The following ATG101 variants were observed in gnomAD, a reference collection of about 807,000 sequenced individuals.
ATG101 encodes the protein autophagy related 101, also known as autophagy-related protein 101.
Under a neutral mutation model 16.7 loss-of-function variants are expected in ATG101, and 6 were observed. The observed-to-expected ratio is 0.36, with a 90% CI of 0.20 to 0.71. The LOEUF (loss-of-function observed/expected upper bound fraction) is 0.71, where lower values mean the gene tolerates loss of function less well. Among genes scored for constraint, ATG101 ranks in the 30% least tolerant of loss-of-function variants. The pLI, the probability that ATG101 is intolerant of heterozygous loss-of-function variation, is 0.57. For synonymous variants in ATG101, 108 were observed against 118.1 expected, an observed-to-expected ratio of 0.91 and a Z score of 0.56; for missense variants, 200 against 292.5, an observed-to-expected ratio of 0.68 and a Z score of 2.31.
chr12:52,077,178 C>G lies in ATG101; in HGVS notation c.645C>G (p.Thr215=). ...TTTMRRLIKD[T]LAL is the part of the protein sequence containing the mutation. ...CCATGCGCAGGCTCATCAAAGACAC[C>G]CTTGCCCTCTGAGCGTCGCTGGATC... Residue 215 remains threonine (T), a synonymous_variant, in exon 4 of 4, where the codon ACC becomes ACG. Coordinates refer to ENST00000336854, the MANE Select transcript of ATG101 (RefSeq NM_021934.5). 1.9e-6 allele frequency: 3 copies of G among 1,612,314 alleles called. No homozygotes were observed. The highest frequency in any genetic ancestry group is 2.5e-6 in the Non-Finnish European group (3 of 1,178,492).
intron 2 of ATG101, among the ~76,000 whole-genome samples, chr12:52,072,755 A>T (rs868428045): frequency 2.9e-4 from 43 of 150,052 alleles, no homozygotes; most frequent in East Asian, 1.8e-3. Flanking sequence ...TTTTTTTTTT[A>T]AATTTATTTT....
rs573309824 is a variant in ATG101 at position 52,070,000 on chromosome 12, C to G, written c.-449C>G. On this transcript the variant is annotated 5_prime_UTR_variant, in exon 1 of 4. Transcript: ENST00000336854. ...CTTCCGGTCCCGGCTCAGCCTCCGACCCAGGTGGTCTGGAGCCTGCCGGGA... is the reference window on the plus strand; with the variant it reads ...CTTCCGGTCCCGGCTCAGCCTCCGAGCCAGGTGGTCTGGAGCCTGCCGGGA... The G allele has an allele frequency of 1.6e-4, 24 of 152,572 alleles. No homozygotes were observed. Among genetic ancestry groups the G allele is most frequent in the African/African-American group, 5.5e-4 (23 of 41,584 alleles). The allele number at this position is 152,572 out of a possible 1,614,324, so 9.5% of individuals were successfully genotyped here.
intron 3 of ATG101, among the ~76,000 whole-genome samples, chr12:52,076,482 G>A (rs1214513829): frequency 1.3e-5 from 2 of 152,192 alleles, no homozygotes; most frequent in African/African-American, 4.8e-5. Context: ...TGTGTGTTAA[G>A]TTCCTAGCAC....
chr12:52,075,035 T>G (rs78877616), intron 3 of ATG101, among the ~76,000 whole-genome samples: 28 of 151,932 alleles, frequency 1.8e-4, no homozygotes, highest in African/African-American at 6.0e-4. Flanking sequence ...AAGGCTGGTC[T>G]TGAATTACTG....
At chr12:52,066,104 C>T (rs1268229418), upstream of ATG101, among the ~76,000 whole-genome samples, 2 of 152,114 alleles carry the variant, frequency 1.3e-5, no homozygotes, top group East Asian at 1.9e-4. Context: ...CTCGAACTCC[C>T]GACCTCAGGT....
At chr12:52,072,399 G>A (rs1025913465) in intron 2 of ATG101, among the ~76,000 whole-genome samples, 3 of 152,196 alleles carry the variant, frequency 2.0e-5, no homozygotes, top group Non-Finnish European at 2.9e-5. Flanking sequence ...TGAGTGATTC[G>A]CTTAAGGTCA....
intron 3 of ATG101, among the ~76,000 whole-genome samples, chr12:52,075,976 G>A (rs1036454024): frequency 1.3e-5 from 2 of 152,012 alleles, no homozygotes; most frequent in Admixed American, 6.6e-5. Flanking sequence ...CCTGGATAAC[G>A]TAACAATACC....
intron 3 of ATG101, among the ~76,000 whole-genome samples, 177 bp downstream of exon 3, chr12:52,074,079 G>GCA (rs1939695662): frequency 6.9e-6 from 1 of 143,976 alleles, no homozygotes; most frequent in Non-Finnish European, 1.5e-5. Context: ...AGGGGAGGGC[G>GCA]CGCGGGCGCG....
intron 3 of ATG101, among the ~76,000 whole-genome samples, chr12:52,074,909 T>C (rs777748739): frequency 6.6e-5 from 10 of 152,146 alleles, no homozygotes; most frequent in Non-Finnish European, 1.5e-4. Context: ...CAGTGAGCCA[T>C]GATCACGCTA....
chr12:52,067,050 T>C (rs753982513), upstream of ATG101, among the ~76,000 whole-genome samples: 2 of 152,132 alleles, frequency 1.3e-5, no homozygotes, highest in Non-Finnish European at 2.9e-5. Context: ...CACCCACACC[T>C]GGGATAAGAG....
At chr12:52,075,313 G>A (rs1057189639) in intron 3 of ATG101, among the ~76,000 whole-genome samples, 3 of 152,372 alleles carry the variant, frequency 2.0e-5, no homozygotes, top group African/African-American at 7.2e-5. Flanking sequence ...GGCAGGTGGA[G>A]CAGAGTGGTG....
chr12:52,076,644 A>G (rs752725083), intron 3 of ATG101, 142 bp from the exon 4 acceptor site: 8 of 1,025,742 alleles, frequency 7.8e-6, no homozygotes, highest in Non-Finnish European at 1.1e-5. Flanking sequence ...CAAATCGTTT[A>G]CCCTCTCCCA....
rs1400920801 is a variant in ATG101 at position 52,077,261 on chromosome 12, C to A, written c.*71C>A. On this transcript the variant is annotated 3_prime_UTR_variant, in exon 4 of 4. Coordinates refer to ENST00000336854, the MANE Select transcript of ATG101 (RefSeq NM_021934.5). ...GCTTTTGGGAATTGCACTTTTGGGC[C>A]TTTGGGCTCTGGAACCTGCTCTGGG... 10 of 1,523,148 alleles carry A rather than the reference C, an allele frequency of 6.6e-6. No individual in the cohort carries two copies. The African/African-American group carries it at 1.1e-4, about 17-fold the overall frequency. The allele number at this position is 1,523,148 out of a possible 1,614,324, so 94.4% of individuals were successfully genotyped here.
upstream of ATG101, among the ~76,000 whole-genome samples, chr12:52,068,561 C>T (rs529412240): frequency 1.3e-5 from 2 of 151,948 alleles, no homozygotes; most frequent in East Asian, 3.9e-4. Context: ...CTCACTATGT[C>T]GACCAGGCTG....
chr12:52,073,508 A>G (rs2120619196), intron 2 of ATG101, 67 bp from the exon 3 acceptor site: 1 of 1,089,008 alleles, frequency 9.2e-7, no homozygotes, highest in Admixed American at 2.3e-5. Flanking sequence ...AGCTGAGCCT[A>G]GAAGGAAGTG....
At chr12:52,072,670 T>C (rs1461903546) in intron 2 of ATG101, among the ~76,000 whole-genome samples, 2 of 152,216 alleles carry the variant, frequency 1.3e-5, no homozygotes, top group Non-Finnish European at 2.9e-5. Context: ...ATGGCTTCAT[T>C]CACTTCTCAG....
chr12:52,074,379 C>T (rs527901722), intron 3 of ATG101, among the ~76,000 whole-genome samples: 14 of 152,264 alleles, frequency 9.2e-5, no homozygotes, highest in East Asian at 5.8e-4. Context: ...AGAAGGGACA[C>T]GGCCGGCTGC....
At position 52,073,744 on chromosome 12, in the gene ATG101, C is replaced by T. The variant is rs1939687005; in HGVS notation, c.94C>T (p.Arg32Cys). Residue 32 changes from arginine to cysteine, a missense_variant, in exon 3 of 4, where the codon CGC becomes TGC. By Grantham distance (180) the Arg-to-Cys change is radical. Transcript: ENST00000336854. ...LAVLHTVLLH[R>C]STGKFHYKKE... ...TGTGCTGCACACGGTGCTTCTGCAC[C>T]GCAGCACAGGCAAGTTCCACTACAA... is the stretch of plus-strand genomic sequence containing the variant. 6.2e-7 allele frequency: 1 copy of T among 1,614,150 alleles called. No homozygotes were observed.
chr12:52,071,057 T>G (rs1329657193), intron 2 of ATG101: 1 of 152,224 alleles, frequency 6.6e-6, no homozygotes, highest in Non-Finnish European at 1.5e-5. Context: ...GAATATAGTC[T>G]CTGCCCTATA....
Sources: gnomAD v4.1 joint callset for allele counts (sites outside exome capture counted in the v4.1 genomes callset) on GRCh38, gnomAD v4.1.1 for gene constraint, MANE v1.5 for transcripts, NCBI Gene and HGNC (gene_info 2026-07-23, HGNC 2026-07-21) for gene names.